CYFIP1: variants seen among roughly 807,000 people sequenced by gnomAD.
CYFIP1 encodes the protein cytoplasmic FMR1 interacting protein 1, also known as cytoplasmic FMR1-interacting protein 1.
In CYFIP1, 58 loss-of-function variants were observed where a neutral mutation model predicts 163.5. The ratio of observed to expected loss-of-function variants is 0.35; its 90% CI spans 0.29 to 0.44. The LOEUF is 0.44. CYFIP1 is among the 20% of genes least tolerant of loss of function. The pLI is 1.00. For synonymous variants in CYFIP1, 663 were observed against 660.7 expected (o/e 1.00, Z -0.05); for missense variants, 1,338 against 1,653.8 (o/e 0.81, Z 3.31).
chr15:22,917,216 C>T lies in CYFIP1; in HGVS notation c.1674+572G>A, dbSNP rs1032034216. ...GCAGCGTGCATTGCTGGTGACTTTC[C>T]AGAAGAGTGGCAGAAGAGATTAAAA... On this transcript the variant is annotated intron_variant, in intron 15 of 30. Coordinates refer to ENST00000617928, the MANE Select transcript of CYFIP1 (RefSeq NM_014608.6). This position sits in a 1 kb window ranked among gnomAD's most constrained non-coding sequence, Gnocchi z 4.2. The T allele has an allele frequency of 4.9e-6, 7 of 1,416,408 alleles. No individual in the cohort carries two copies. The highest frequency in any genetic ancestry group is 5.5e-6 in the Non-Finnish European group (6 of 1,092,714). The allele number at this position is 1,416,408 out of a possible 1,614,324, so 87.7% of individuals were successfully genotyped here. A position where few individuals can be genotyped will look rare whatever the true frequency, so the allele number is the denominator to read the frequency against.
At chr15:22,943,696 A>T (rs1595672007) in intron 5 of CYFIP1, among the ~76,000 whole-genome samples, 1 of 152,276 alleles carries the variant, frequency 6.6e-6, no homozygotes, top group East Asian at 1.9e-4. Flanking sequence ...ACTGGGAGAG[A>T]TTTTTTTCCT....
intron 9 of CYFIP1, among the ~76,000 whole-genome samples, chr15:22,934,726 C>CT (rs111340337): frequency 7.9e-4 from 120 of 151,764 alleles, no homozygotes; most frequent in African/African-American, 2.7e-3. Context: ...TCTCGATCTC[C>CT]TGACCTCGTG....
intron 22 of CYFIP1, among the ~76,000 whole-genome samples, chr15:22,894,745 A>C (rs1023145821): frequency 4.0e-5 from 6 of 150,238 alleles, no homozygotes; most frequent in Non-Finnish European, 8.9e-5. Flanking sequence ...ATTACTCTTT[A>C]TAATATTATT....
intron 23 of CYFIP1, among the ~76,000 whole-genome samples, chr15:22,890,290 G>A (rs1212420438): frequency 1.4e-5 from 2 of 146,692 alleles, no homozygotes; most frequent in Non-Finnish European, 3.0e-5. Context: ...CATCCTAGGT[G>A]ATAGAGGAGA....
At position 22,954,142 on chromosome 15, in the gene CYFIP1, C is replaced by A. The variant is rs8041867; in HGVS notation, c.-6-6851G>T. Among the ~76,000 whole-genome samples the A allele has an allele frequency of 6.0e-3, 916 of 152,264 alleles. 11 individuals carry two copies. Among genetic ancestry groups the A allele is most frequent in the African/African-American group, 0.021 (882 of 41,550 alleles). On this transcript the variant is annotated intron_variant, in intron 1 of 30. Transcript: ENST00000617928. ...GTGTGGACAGGTACATTGATGTCCA[C>A]TGCTTGGGGCCTGATCAGAGCAGGG...
intron 13 of CYFIP1, among the ~76,000 whole-genome samples, chr15:22,920,686 T>C (rs981202811): frequency 5.3e-5 from 8 of 152,156 alleles, no homozygotes; most frequent in African/African-American, 1.9e-4. Flanking sequence ...TAATGAAAAT[T>C]TTAGAAAGGA....
chr15:22,920,159 C>CTTTTTTTT (rs71117470), intron 13 of CYFIP1, among the ~76,000 whole-genome samples: 4 of 75,538 alleles, frequency 5.3e-5, no homozygotes, highest in African/African-American at 1.1e-4. Flanking sequence ...ATTAAGGCAG[C>CTTTTTTTT]TTTTTTTTTT....
intron 26 of CYFIP1, among the ~76,000 whole-genome samples, chr15:22,877,430 C>A (rs563607286): frequency 6.6e-6 from 1 of 152,210 alleles, no homozygotes; most frequent in South Asian, 2.1e-4. Context: ...ACAAAATGGA[C>A]TAAGATAGCA....
chr15:22,979,124 C>G (rs1418186342), intron 1 of CYFIP1, among the ~76,000 whole-genome samples: 1 of 152,200 alleles, frequency 6.6e-6, no homozygotes, highest in African/African-American at 2.4e-5. Flanking sequence ...AGTGAGGGCA[C>G]CGGCACTATA....
At chr15:22,900,401 T>C (rs2060358627) in intron 22 of CYFIP1, among the ~76,000 whole-genome samples, 1 of 88,508 alleles carries the variant, frequency 1.1e-5, no homozygotes, top group African/African-American at 4.6e-5. Context: ...TTTCTGTTCT[T>C]TTTTTTTTTT....
chr15:22,899,182 G>A (rs1329195036), intron 22 of CYFIP1, among the ~76,000 whole-genome samples: 1 of 151,958 alleles, frequency 6.6e-6, no homozygotes, highest in Admixed American at 6.6e-5. Context: ...TTTTGGAAAT[G>A]AGCAAATGAG....
chr15:22,960,435 C>T (rs1262177469), intron 1 of CYFIP1, among the ~76,000 whole-genome samples: 1 of 152,206 alleles, frequency 6.6e-6, no homozygotes, highest in Non-Finnish European at 1.5e-5. Context: ...CATAAGCAGG[C>T]GGTGCCACAG....
At chr15:22,887,475 AAAG>A (rs2059956774) in intron 23 of CYFIP1, among the ~76,000 whole-genome samples, 1 of 152,332 alleles carries the variant, frequency 6.6e-6, no homozygotes, top group Admixed American at 6.5e-5. Flanking sequence ...CAATGTTTGA[AAAG>A]AAGAACACGA....
chr15:22,953,193 G>GC (rs1200000659), intron 1 of CYFIP1, among the ~76,000 whole-genome samples: 1 of 152,236 alleles, frequency 6.6e-6, no homozygotes, highest in Admixed American at 6.5e-5. Flanking sequence ...AGCCCTGGCA[G>GC]CGTGGGTGCA....
intron 1 of CYFIP1, among the ~76,000 whole-genome samples, chr15:22,975,896 T>A (rs1160406561): frequency 6.6e-6 from 1 of 152,164 alleles, no homozygotes; most frequent in Admixed American, 6.6e-5. Context: ...ATAAACAAAA[T>A]TTTTGTTTAA....
chr15:22,913,176 A>G (rs1291533612), intron 17 of CYFIP1, among the ~76,000 whole-genome samples: 2 of 151,792 alleles, frequency 1.3e-5, no homozygotes, highest in East Asian at 3.9e-4. Context: ...AGCCTGGGCA[A>G]TAGAGCAAGA....
intron 30 of CYFIP1, 80 bp from the exon 31 acceptor site, chr15:22,870,272 AT>A (rs1471951303): frequency 6.8e-7 from 1 of 1,475,278 alleles, no homozygotes. Context: ...CAGGATTCTT[AT>A]ATTTTCTCAG....
In CYFIP1 at chr15:22,932,166, G is replaced by A. The variant is rs2061558515; in HGVS notation, c.1110+57C>T. 3 of 1,270,354 alleles carry A rather than the reference G, an allele frequency of 2.4e-6. No individual in the cohort carries two copies. The East Asian group carries it at 7.3e-5, about 31-fold the overall frequency. 78.7% of individuals were successfully genotyped at this position (1,270,354 alleles called of 1,614,324 possible). ...AAGCAATTAAACCTAAGATTTGGGTGCAAACACACACAGGCGACCCTCGGG... is the reference window on the plus strand; with the variant it reads ...AAGCAATTAAACCTAAGATTTGGGTACAAACACACACAGGCGACCCTCGGG... On this transcript the variant is annotated intron_variant, in intron 11 of 30. Coordinates refer to ENST00000617928, the MANE Select transcript of CYFIP1 (RefSeq NM_014608.6).
chr15:22,933,049 G>A (rs917722751), intron 10 of CYFIP1, among the ~76,000 whole-genome samples: 16 of 152,102 alleles, frequency 1.1e-4, no homozygotes, highest in Middle Eastern at 3.4e-3. Context: ...GCCCAGGCTG[G>A]TCTCAAACTC....
Sources: gnomAD v4.1 joint callset for allele counts (sites outside exome capture counted in the v4.1 genomes callset) on GRCh38, gnomAD v4.1.1 for gene constraint, Gnocchi (gnomAD v3.1) non-coding constraint, MANE v1.5 for transcripts, NCBI Gene and HGNC (gene_info 2026-07-23, HGNC 2026-07-21) for gene names.